Variants in MTM1 observed in about 807,000 individuals in gnomAD.
MTM1 encodes myotubularin 1.
In MTM1, 9 loss-of-function variants were observed where a neutral mutation model predicts 52.1. The ratio of observed to expected loss-of-function variants is 0.17; its 90% confidence interval spans 0.10 to 0.30. The LOEUF (loss-of-function observed/expected upper bound fraction) is 0.30. Among genes scored for constraint, MTM1 ranks in the 10% least tolerant of loss-of-function variants. The pLI, the probability that MTM1 is intolerant of heterozygous loss-of-function variation, is 1.00. For synonymous variants in MTM1, 136 were observed against 163.8 expected (o/e 0.83, Z 1.29); for missense variants, 277 against 470.7 (o/e 0.59, Z 3.81).
At chrX:150,609,036 G>T (rs967326527) in intron 4 of MTM1, among the ~76,000 whole-genome samples, 1 of 110,361 alleles carries the variant, frequency 9.1e-6, no homozygotes, top group Non-Finnish European at 1.9e-5. Flanking sequence ...CACCATGTTG[G>T]CCAGGCTGGT....
intron 10 of MTM1, among the ~76,000 whole-genome samples, chrX:150,651,040 C>T (rs950492932): frequency 8.9e-6 from 1 of 111,987 alleles, no homozygotes; most frequent in African/African-American, 3.2e-5. Context: ...CCCACCGAAT[C>T]TCAAAGGGAA....
At chrX:150,635,183 G>A (rs1271237923) in intron 6 of MTM1, among the ~76,000 whole-genome samples, 10 of 112,394 alleles carry the variant, frequency 8.9e-5, no homozygotes, top group African/African-American at 3.2e-4. Flanking sequence ...CATCTTCTCT[G>A]TCCTAAGACT....
At chrX:150,601,732 C>T (rs904317428) in intron 4 of MTM1, among the ~76,000 whole-genome samples, 15 of 112,265 alleles carry the variant, frequency 1.3e-4, no homozygotes, top group African/African-American at 4.5e-4. Context: ...CCGTCTCCAG[C>T]GTGTTCGTCC....
chrX:150,664,756 T>C (rs1557414850), intron 14 of MTM1, among the ~76,000 whole-genome samples: 1 of 112,629 alleles, frequency 8.9e-6, no homozygotes, highest in Non-Finnish European at 1.9e-5. Context: ...GTGTTCCTTA[T>C]TAAAAAATGT....
At chrX:150,583,905 T>TAAA (rs2038724153) in intron 1 of MTM1, among the ~76,000 whole-genome samples, 1 of 55,924 alleles carries the variant, frequency 1.8e-5, no homozygotes, top group Non-Finnish European at 3.2e-5. Context: ...TTGATATATA[T>TAAA]ATATATAATA....
At chrX:150,638,421 A>G (rs782016053) in intron 6 of MTM1, among the ~76,000 whole-genome samples, 1 of 111,408 alleles carries the variant, frequency 9.0e-6, no homozygotes, top group African/African-American at 3.3e-5. Context: ...GAGAGGTCTG[A>G]GTCCTGCCAT....
chrX:150,625,429 A>G (rs1374220609), intron 6 of MTM1, among the ~76,000 whole-genome samples: 1 of 111,549 alleles, frequency 9.0e-6, no homozygotes, highest in Non-Finnish European at 1.9e-5. Flanking sequence ...GGGGCACTTT[A>G]AGCTCTTTCA....
chrX:150,626,338 G>A (rs1557413422), intron 6 of MTM1, among the ~76,000 whole-genome samples: 1 of 111,671 alleles, frequency 9.0e-6, no homozygotes, highest in East Asian at 2.8e-4. Context: ...TTTTGAGACG[G>A]AGTCTTGCTC....
chrX:150,583,895 TTGATATATATATATATAATATAA>T (rs1569565350), intron 1 of MTM1, among the ~76,000 whole-genome samples: 5 of 33,110 alleles, frequency 1.5e-4, no homozygotes, highest in African/African-American at 2.5e-4. Flanking sequence ...ATATATATAT[TTGATATATATATATATAATATAA>T]AATATATATT....
At chrX:150,585,365 A>G (rs1207933617) in intron 1 of MTM1, among the ~76,000 whole-genome samples, 3 of 111,633 alleles carry the variant, frequency 2.7e-5, no homozygotes, top group Non-Finnish European at 5.6e-5. Context: ...GTAATGCCCA[A>G]TGCCTGGGCT....
chrX:150,659,717 T>C lies in MTM1; in HGVS notation c.1314T>C (p.Phe438=). The change falls in exon 12 of 15, where the codon TTT becomes TTC. Residue 438 remains phenylalanine (F), a synonymous_variant. Transcript: ENST00000370396. Reference sequence around the variant, plus strand: ...CCGATGCTGACCGTTCTCCTATTTTTCTCCAGTTTATTGATTGTGTGTGGC... The same window carrying C: ...CCGATGCTGACCGTTCTCCTATTTTCCTCCAGTTTATTGATTGTGTGTGGC... The part of the protein sequence containing the change: ...NHTDADRSPI[F]LQFIDCVWQM... 8.3e-7 allele frequency: 1 copy of C among 1,211,154 alleles called. No individual in the cohort carries two copies. Among genetic ancestry groups the C allele is most frequent in the Non-Finnish European group, 1.1e-6 (1 of 894,812 alleles).
chrX:150,651,373 A>G (rs1234920974), intron 10 of MTM1, among the ~76,000 whole-genome samples: 4 of 110,954 alleles, frequency 3.6e-5, no homozygotes, highest in African/African-American at 9.8e-5. Context: ...TTAACTTATT[A>G]TTAATAAAGT....
At chrX:150,575,642 G>A (rs2038459092) in intron 1 of MTM1, among the ~76,000 whole-genome samples, 1 of 111,828 alleles carries the variant, frequency 8.9e-6, no homozygotes, top group Non-Finnish European at 1.9e-5. Context: ...CTGGCATCAT[G>A]CCTGGAGTTT....
At position 150,577,654 on chromosome X, in the gene MTM1, T is replaced by C. The variant is rs781962531; in HGVS notation, c.-11+8992T>C. 2.0e-3 allele frequency among the ~76,000 whole-genome samples: 225 copies of C among 112,389 alleles called. 1 individual carries two copies. Among genetic ancestry groups the C allele is most frequent in the African/African-American group, 6.4e-3 (198 of 31,014 alleles). On this transcript the variant is annotated intron_variant, in intron 1 of 14. Coordinates refer to ENST00000370396, the MANE Select transcript of MTM1 (RefSeq NM_000252.3). ...GTCTGTCTGAAGTTGTGAGGGTTCT[T>C]TTTATATTCTGGATACAAGTACTTC...
chrX:150,607,796 A>G (rs2039195840), intron 4 of MTM1, among the ~76,000 whole-genome samples: 1 of 111,653 alleles, frequency 9.0e-6, no homozygotes, highest in African/African-American at 3.3e-5. Context: ...AGGTGCTAGG[A>G]TATGATGGTG....
chrX:150,571,336 G>A (rs2038371556), intron 1 of MTM1, among the ~76,000 whole-genome samples: 2 of 111,873 alleles, frequency 1.8e-5, no homozygotes, highest in Admixed American at 9.5e-5. Flanking sequence ...GATAGGGACC[G>A]TCATTTGCCT....
intron 1 of MTM1, among the ~76,000 whole-genome samples, chrX:150,574,775 A>C (rs1557411579): frequency 8.9e-6 from 1 of 112,182 alleles, no homozygotes; most frequent in Non-Finnish European, 1.9e-5. Context: ...TGAGGATTTC[A>C]TCAGATTCAC....
chrX:150,657,795 C>G, intron 10 of MTM1, 26 bp from the exon 11 acceptor site: 2 of 1,187,313 alleles, frequency 1.7e-6, no homozygotes, highest in East Asian at 3.0e-5. Flanking sequence ...TAACTCCCTA[C>G]TGACTCACGT....
chrX:150,589,050 T>G (rs2038839182), intron 1 of MTM1, among the ~76,000 whole-genome samples: 1 of 112,056 alleles, frequency 8.9e-6, no homozygotes, highest in Non-Finnish European at 1.9e-5. Flanking sequence ...ATAAAATTCT[T>G]GGGGCTTAGA....
Sources: allele counts gnomAD v4.1 joint callset (sites outside exome capture counted in the v4.1 genomes callset), GRCh38; gene constraint gnomAD v4.1.1; transcripts MANE v1.5; gene names NCBI Gene and HGNC (gene_info 2026-07-23, HGNC 2026-07-21).